KIAA1958: variants seen among roughly 807,000 people sequenced by gnomAD.
The protein encoded by KIAA1958 is uncharacterized protein KIAA1958.
In KIAA1958, 14 loss-of-function variants were observed where a neutral mutation model predicts 47.2. The observed-to-expected ratio is 0.30, with a 90% CI of 0.20 to 0.46. The LOEUF is 0.46. KIAA1958 is among the 20% of genes least tolerant of loss of function. KIAA1958 has a pLI of 1.00. For synonymous variants in KIAA1958, 354 were observed against 353.3 expected (o/e 1.00, Z -0.02); for missense variants, 803 against 909.2 (o/e 0.88, Z 1.50).
intron 1 of KIAA1958, among the ~76,000 whole-genome samples, chr9:112,487,936 A>AGTGT (rs1413318338): frequency 2.0e-4 from 18 of 91,078 alleles, no homozygotes; most frequent in South Asian, 1.7e-3. Flanking sequence ...ATATGTATTT[A>AGTGT]GTGTGTGTGC....
At chr9:112,514,852 T>TG (rs1314032103) in intron 1 of KIAA1958, among the ~76,000 whole-genome samples, 1 of 5,766 alleles carries the variant, frequency 1.7e-4, no homozygotes, top group Non-Finnish European at 3.4e-4. Flanking sequence ...GGGAGGGAGG[T>TG]GGGGGGGGGT....
At chr9:112,553,088 T>G in intron 1 of KIAA1958, among the ~76,000 whole-genome samples, 1 of 149,772 alleles carries the variant, frequency 6.7e-6, no homozygotes, top group Non-Finnish European at 1.5e-5. Flanking sequence ...CCCTTTTCCT[T>G]TCCTTTCCTT....
chr9:112,509,624 T>A (rs1182185165), intron 1 of KIAA1958, among the ~76,000 whole-genome samples: 7 of 152,140 alleles, frequency 4.6e-5, no homozygotes, highest in South Asian at 2.1e-4. Flanking sequence ...GGATTATGGA[T>A]GTTGAAAAGG....
rs537411215 is a variant in KIAA1958, at chr9:112,662,886, G to C, written c.*2817G>C. 3 of 152,368 alleles carry C rather than the reference G, an allele frequency of 2.0e-5. No homozygotes were observed. Among genetic ancestry groups the C allele is most frequent in the African/African-American group, 7.2e-5 (3 of 41,564 alleles). 9.4% of individuals were successfully genotyped at this position (152,368 alleles called of 1,614,324 possible). On this transcript the variant is annotated 3_prime_UTR_variant, in exon 4 of 4. Coordinates refer to ENST00000337530, the MANE Select transcript of KIAA1958 (RefSeq NM_133465.4). ...TAAGGGGGCCAGAGTAGCAGTCCTC[G>C]TTGGCGTTCTAAGGCAGTTGTTCTG... is the stretch of plus-strand genomic sequence containing the variant.
At chr9:112,628,402 T>C (rs1836655090) in intron 2 of KIAA1958, among the ~76,000 whole-genome samples, 1 of 152,214 alleles carries the variant, frequency 6.6e-6, no homozygotes, top group Admixed American at 6.5e-5. Flanking sequence ...AGATTTTAAC[T>C]GTGAGCCTCT....
Position 112,666,241 on chromosome 9 carries a change from ATATACT to A in KIAA1958, c.*6176_*6181del, listed in dbSNP as rs888113609. On this transcript the variant is annotated 3_prime_UTR_variant, in exon 4 of 4. Coordinates refer to ENST00000337530, the MANE Select transcript of KIAA1958 (RefSeq NM_133465.4). The stretch of plus-strand genomic sequence containing the variant: ...TGCCTCGGCCTCCCAAAGTGGAAAA[ATATACT>A]TATTTACTCGTTTTCTGTTCTTTTT... The A allele has an allele frequency of 3.3e-5, 5 of 152,158 alleles. No individual in the cohort carries two copies. The highest frequency in any genetic ancestry group is 1.2e-4 in the African/African-American group (5 of 41,438). 9.4% of individuals were successfully genotyped at this position (152,158 alleles called of 1,614,324 possible). A position where few individuals can be genotyped will look rare whatever the true frequency, so the allele number is the denominator to read the frequency against.
At chr9:112,572,721 G>A (rs1835560827) in intron 1 of KIAA1958, among the ~76,000 whole-genome samples, 1 of 152,238 alleles carries the variant, frequency 6.6e-6, no homozygotes, top group South Asian at 2.1e-4. Context: ...AGGGGGTTTA[G>A]AGAAGAGGGG....
At chr9:112,606,400 G>A (rs997280586) in intron 2 of KIAA1958, among the ~76,000 whole-genome samples, 1 of 152,074 alleles carries the variant, frequency 6.6e-6, no homozygotes, top group African/African-American at 2.4e-5. Flanking sequence ...TTGCATATTT[G>A]TAGTTGCCAT....
chr9:112,575,074 G>A lies in KIAA1958; in HGVS notation c.994G>A (p.Gly332Arg). ...CCCCTTGTCTGCCCTGCAGCTGCCT[G>A]GACAGGATGAGCAAGTTGCCTCTGA... ...SIPLSALQLP[G>R]QDEQVASEEF... The change falls in exon 2 of 4, where the codon GGA becomes AGA. Residue 332 changes from glycine to arginine, a missense_variant. Gly to Arg is a moderately radical substitution (Grantham distance 125, BLOSUM62 -2). Around this residue, in one of 2 missense-constraint regions of KIAA1958, gnomAD observed 761 missense variants for 829.3 expected, o/e 0.92. Coordinates refer to ENST00000337530, the MANE Select transcript of KIAA1958 (RefSeq NM_133465.4). The A allele has an allele frequency of 1.2e-6, 2 of 1,613,268 alleles. No individual in the cohort carries two copies. The highest frequency in any genetic ancestry group is 1.7e-6 in the Non-Finnish European group (2 of 1,180,004).
intron 1 of KIAA1958, among the ~76,000 whole-genome samples, chr9:112,519,158 G>C (rs1834494214): frequency 6.6e-6 from 1 of 151,878 alleles, no homozygotes; most frequent in Non-Finnish European, 1.5e-5. Context: ...ACCCAGGTTG[G>C]TCTTGAACTC....
chr9:112,517,469 A>T (rs1314517344), intron 1 of KIAA1958, among the ~76,000 whole-genome samples: 1 of 152,230 alleles, frequency 6.6e-6, no homozygotes, highest in East Asian at 1.9e-4. Flanking sequence ...GGATTAATAT[A>T]AAACCTAATA....
intron 2 of KIAA1958, among the ~76,000 whole-genome samples, chr9:112,626,007 T>G (rs569853601): frequency 7.9e-5 from 12 of 152,366 alleles, no homozygotes; most frequent in African/African-American, 2.9e-4. Context: ...TGGTTCTGAA[T>G]GCAACCCACA....
intron 1 of KIAA1958, among the ~76,000 whole-genome samples, chr9:112,539,791 A>T (rs1834911064): frequency 6.6e-6 from 1 of 152,062 alleles, no homozygotes; most frequent in Non-Finnish European, 1.5e-5. Flanking sequence ...CCAGGGTTCA[A>T]GTGATTCTCC....
At position 112,668,202 on chromosome 9, in the gene KIAA1958, G is replaced by C. The variant is rs1837376592; in HGVS notation, c.*8133G>C. The C allele has an allele frequency of 1.3e-5, 2 of 152,166 alleles. No homozygotes were observed. The highest frequency in any genetic ancestry group is 4.8e-5 in the African/African-American group (2 of 41,436). The allele number at this position is 152,166 out of a possible 1,614,324, so 9.4% of individuals were successfully genotyped here. On this transcript the variant is annotated 3_prime_UTR_variant, in exon 4 of 4. Coordinates refer to ENST00000337530, the MANE Select transcript of KIAA1958 (RefSeq NM_133465.4). ...GTAATAACCTAGACTAGAGCTTATA[G>C]ACTGAAGCCCATGTGCTTCTCCATG... is the stretch of plus-strand genomic sequence containing the variant.
chr9:112,597,771 A>C (rs1836058781), intron 2 of KIAA1958, among the ~76,000 whole-genome samples: 1 of 152,126 alleles, frequency 6.6e-6, no homozygotes, highest in Non-Finnish European at 1.5e-5. Context: ...CAAATAGTAA[A>C]GTTTCTAGAA....
At chr9:112,519,556 C>G (rs1263924761) in intron 1 of KIAA1958, among the ~76,000 whole-genome samples, 3 of 152,154 alleles carry the variant, frequency 2.0e-5, no homozygotes, top group Non-Finnish European at 2.9e-5. Context: ...ATCCTTGTGT[C>G]TCTTCTGAAC....
chr9:112,651,054 AG>A (rs1184290527), intron 3 of KIAA1958, among the ~76,000 whole-genome samples: 3 of 152,206 alleles, frequency 2.0e-5, no homozygotes, highest in Non-Finnish European at 4.4e-5. Context: ...TAAAACTTAA[AG>A]GAAAAATTGC....
chr9:112,553,641 T>C (rs1375409217), intron 1 of KIAA1958, among the ~76,000 whole-genome samples: 2 of 152,214 alleles, frequency 1.3e-5, no homozygotes, highest in Non-Finnish European at 2.9e-5. Flanking sequence ...AGTGCTACAT[T>C]ACACTGTGTA....
In KIAA1958 at chr9:112,663,107, GCC is replaced by G. The variant is rs1420186948; in HGVS notation, c.*3041_*3042del. 1 of 152,228 alleles carries G rather than the reference GCC, an allele frequency of 6.6e-6. No individual in the cohort carries two copies. Among genetic ancestry groups the G allele is most frequent in the Non-Finnish European group, 1.5e-5 (1 of 68,076 alleles). The allele number at this position is 152,228 out of a possible 1,614,324, so 9.4% of individuals were successfully genotyped here. ...TCACAGGTTGACTGAAGCACAAGTT[GCC>G]CCTGGGCTCTGTGTCAAGGCTGGTG... On this transcript the variant is annotated 3_prime_UTR_variant, in exon 4 of 4. Transcript: ENST00000337530.
Sources: gnomAD v4.1 joint callset for allele counts (sites outside exome capture counted in the v4.1 genomes callset) on GRCh38, gnomAD v4.1.1 for gene constraint, gnomAD v4.1.1 regional missense constraint, MANE v1.5 for transcripts, NCBI Gene and HGNC (gene_info 2026-07-23, HGNC 2026-07-21) for gene names.